ACTR3C: variants seen among roughly 807,000 people sequenced by gnomAD.
ACTR3C encodes actin related protein 3C.
In ACTR3C, 18 loss-of-function variants were observed where a neutral mutation model predicts 26.3. The ratio of observed to expected loss-of-function variants is 0.68; its 90% CI spans 0.47 to 1.01. The LOEUF (loss-of-function observed/expected upper bound fraction) is 1.01, where lower values mean the gene tolerates loss of function less well. Ranked by LOEUF, ACTR3C falls within the 50% of genes least tolerant of loss-of-function variation. The probability of loss-of-function intolerance (pLI) is 0.00; values close to 1 mark genes in which losing one functional copy is unlikely to be tolerated. For synonymous variants in ACTR3C, 55 were observed against 94.5 expected (o/e 0.58, Z 2.42); for missense variants, 184 against 250.7 (o/e 0.73, Z 1.80).
the ACTR3C span, among the ~76,000 whole-genome samples, chr7:150,049,951 G>C: frequency 6.6e-6 from 1 of 152,182 alleles, no homozygotes; most frequent in Admixed American, 6.5e-5. Flanking sequence ...CAGGCAGGTG[G>C]GTCTGGGGTG....
At chr7:150,152,009 A>G in the ACTR3C span, among the ~76,000 whole-genome samples, 1 of 139,276 alleles carries the variant, frequency 7.2e-6, no homozygotes, top group African/African-American at 2.5e-5. Flanking sequence ...GACTTTGCTG[A>G]AGTTGCTTAT....
the ACTR3C span, among the ~76,000 whole-genome samples, chr7:150,032,403 C>G: frequency 6.6e-6 from 1 of 152,190 alleles, no homozygotes. Flanking sequence ...CAGTCCTGTT[C>G]CTGTCTGTGC....
chr7:149,981,302 A>C, the ACTR3C span, among the ~76,000 whole-genome samples: 2 of 152,018 alleles, frequency 1.3e-5, no homozygotes, highest in African/African-American at 4.8e-5. Context: ...ATGGACAATC[A>C]AGATGCAGCA....
chr7:150,303,412 C>T (rs1456563154), intron 1 of ACTR3C, among the ~76,000 whole-genome samples: 2 of 152,242 alleles, frequency 1.3e-5, no homozygotes, highest in Non-Finnish European at 2.9e-5. Flanking sequence ...CTGGACTCTA[C>T]TGCAAATTTA....
At chr7:149,938,947 A>G in the ACTR3C span, among the ~76,000 whole-genome samples, 1 of 42,360 alleles carries the variant, frequency 2.4e-5, no homozygotes, top group Non-Finnish European at 8.2e-5. Context: ...AAATATATGT[A>G]TATATATAAA....
At chr7:150,035,277 C>A in the ACTR3C span, among the ~76,000 whole-genome samples, 2,213 of 42,434 alleles carry the variant, frequency 0.052, 364 homozygotes, top group East Asian at 0.079. Context: ...TCAGTCCCTG[C>A]CTCGTGGAGA....
chr7:150,016,021 T>C, the ACTR3C span, among the ~76,000 whole-genome samples: 1 of 151,588 alleles, frequency 6.6e-6, no homozygotes, highest in Non-Finnish European at 1.5e-5. Context: ...CCTTTCTACA[T>C]TCCTGTGCAC....
chr7:149,914,128 A>G, the ACTR3C span, among the ~76,000 whole-genome samples: 1 of 151,234 alleles, frequency 6.6e-6, no homozygotes, highest in African/African-American at 2.4e-5. Flanking sequence ...GGCTCAAGGG[A>G]TCCTCCCACC....
chr7:150,038,122 G>A, the ACTR3C span, among the ~76,000 whole-genome samples: 1 of 142,852 alleles, frequency 7.0e-6, no homozygotes, highest in Admixed American at 6.8e-5. Context: ...GAGCCAGGGG[G>A]GAAGAGGGGA....
the ACTR3C span, among the ~76,000 whole-genome samples, chr7:149,904,822 C>T: frequency 2.6e-5 from 4 of 151,428 alleles, no homozygotes. Context: ...GGTGAAACCC[C>T]ATCTCTACTA....
chr7:149,953,783 A>G, the ACTR3C span, among the ~76,000 whole-genome samples: 1 of 148,426 alleles, frequency 6.7e-6, no homozygotes, highest in Non-Finnish European at 1.5e-5. Flanking sequence ...ACCTACTGAT[A>G]TTAGACTAGG....
intron 1 of ACTR3C, among the ~76,000 whole-genome samples, chr7:150,318,952 T>C (rs1797209292): frequency 1.3e-5 from 2 of 152,164 alleles, no homozygotes; most frequent in Admixed American, 6.5e-5. Flanking sequence ...ATAATGGGTG[T>C]GGGCCCTGTA....
At chr7:150,257,422 G>A (rs1459649957) in intron 6 of ACTR3C, among the ~76,000 whole-genome samples, 3 of 152,230 alleles carry the variant, frequency 2.0e-5, no homozygotes, top group Non-Finnish European at 4.4e-5. Context: ...ACCAGAGACC[G>A]TGGTACAAGG....
chr7:150,146,359 C>G, the ACTR3C span, among the ~76,000 whole-genome samples: 2 of 152,188 alleles, frequency 1.3e-5, no homozygotes, highest in African/African-American at 4.8e-5. Context: ...AGTTCAAACA[C>G]AATCCATCAC....
chr7:150,289,679 C>T, intron 3 of ACTR3C, 86 bp from the exon 4 acceptor site: 1 of 1,567,272 alleles, frequency 6.4e-7, no homozygotes, highest in South Asian at 1.2e-5. Context: ...CTGCCTCAGC[C>T]TCCCTGTCTG....
downstream of ACTR3C, chr7:150,245,523 T>C (rs932322549): frequency 2.0e-5 from 3 of 152,136 alleles, no homozygotes; most frequent in African/African-American, 7.2e-5. Flanking sequence ...ATGGAGGGGA[T>C]TTTCATCTCT....
chr7:150,246,280 C>T (rs1276363140), downstream of ACTR3C: 1 of 152,096 alleles, frequency 6.6e-6, no homozygotes, highest in African/African-American at 2.4e-5. Context: ...GACTAACCAC[C>T]CAGTGAATTC....
the ACTR3C span, among the ~76,000 whole-genome samples, chr7:150,233,962 G>A: frequency 2.0e-5 from 3 of 151,960 alleles, no homozygotes; most frequent in African/African-American, 7.3e-5. Flanking sequence ...AGCATTTTTT[G>A]TTGTTATTAT....
At chr7:150,092,118 G>A in the ACTR3C span, among the ~76,000 whole-genome samples, 1 of 145,666 alleles carries the variant, frequency 6.9e-6, no homozygotes, top group Non-Finnish European at 1.5e-5. Flanking sequence ...CTCAGGATAG[G>A]TAAGTAGAAA....
Sources: allele counts gnomAD v4.1 joint callset (sites outside exome capture counted in the v4.1 genomes callset), GRCh38; gene constraint gnomAD v4.1.1; transcripts MANE v1.5; gene names NCBI Gene and HGNC (gene_info 2026-07-23, HGNC 2026-07-21).